METTL25B: variants seen among roughly 807,000 people sequenced by gnomAD.
METTL25B encodes methyltransferase-like protein 25B.
In METTL25B, 38 loss-of-function variants were observed where a neutral mutation model predicts 48.4. That is an observed-to-expected ratio of 0.78 (90% CI 0.61 to 1.03). The LOEUF (loss-of-function observed/expected upper bound fraction) is 1.03. METTL25B is among the 50% of genes least tolerant of loss of function. The pLI is 0.00. For missense variants in METTL25B, 537 were observed against 603.7 expected (o/e 0.89, Z 1.16); for synonymous variants, 230 against 254.5 (o/e 0.90, Z 0.92).
At chr1:156,736,511 T>G in intron 7 of METTL25B, 121 bp from the exon 8 acceptor site, 1 of 1,157,022 alleles carries the variant, frequency 8.6e-7, no homozygotes, top group Non-Finnish European at 1.2e-6. Context: ...GAGAACGGGG[T>G]CTCCTTAGCC....
Position 156,732,012 on chromosome 1 carries a change from T to C in METTL25B, c.133T>C (p.Trp45Arg), listed in dbSNP as rs145008223. Residue 45 changes from tryptophan to arginine, a missense_variant, in exon 2 of 8, where the codon TGG becomes CGG. Coordinates refer to ENST00000368216, the MANE Select transcript of METTL25B (RefSeq NM_015997.4). ...GTAGGAATTTTTCACAGACAACCTA[T>C]GGGACACACTCCCTTGCTCATGGCA... ...YIIEFFTDNL[W>R]DTLPCSWQEA... 173 of 1,614,044 alleles carry C rather than the reference T, an allele frequency of 1.1e-4. No homozygotes were observed. The highest frequency in any genetic ancestry group is 1.4e-4 in the Non-Finnish European group (167 of 1,180,024).
intron 7 of METTL25B, 101 bp downstream of exon 7, chr1:156,736,010 C>A: frequency 9.4e-7 from 1 of 1,059,476 alleles, no homozygotes; most frequent in Non-Finnish European, 1.4e-6. Flanking sequence ...CCTAGCTAAT[C>A]ACTGTTGTGA....
chr1:156,728,992 TC>T lies in METTL25B; in HGVS notation c.-111del. The T allele has an allele frequency of 1.7e-6, 1 of 597,192 alleles. No homozygotes were observed. The highest frequency in any genetic ancestry group is 2.3e-5 in the South Asian group (1 of 42,614). 37.0% of individuals were successfully genotyped at this position (597,192 alleles called of 1,614,324 possible). On this transcript the variant is annotated 5_prime_UTR_variant, in exon 1 of 8. Transcript: ENST00000368216. The stretch of plus-strand genomic sequence containing the variant: ...CGTCGGAGACTGGACCCAAAACTCT[TC>T]CTGTTCTGCCTGCAGAGTTGAGCCC...
Position 156,735,751 on chromosome 1 carries a change from TG to T in METTL25B, c.1152del (p.Leu385Ter), listed in dbSNP as rs771085822. The T allele has an allele frequency of 1.9e-6, 3 of 1,609,646 alleles. No individual in the cohort carries two copies. Among genetic ancestry groups the T allele is most frequent in the Non-Finnish European group, 2.5e-6 (3 of 1,178,664 alleles). ...TATGTGCAGCGGGGGCTACAGCGAG[TG>T]GGGCTAGATCCCCAGCTGCCACTGA... Reference protein sequence around the residue: ...EEYVQRGLQRVGLDPQLPLNL... With the variant: ...EEYVQRGLQRXGLDPQLPLNL... On this transcript the variant is annotated frameshift_variant, in exon 7 of 8. Coordinates refer to ENST00000368216, the MANE Select transcript of METTL25B (RefSeq NM_015997.4). LOFTEE classifies it high-confidence loss of function.
In METTL25B at chr1:156,728,901, C is replaced by A; in HGVS notation, c.-204C>A. ...CTGACACCTTCTCACTGTGAAACGT[C>A]GCGACCTGTGACGTCTGGGGGGCGC... On this transcript the variant is annotated 5_prime_UTR_variant, in exon 1 of 8. Transcript: ENST00000368216. 1 of 600,518 alleles carries A rather than the reference C, an allele frequency of 1.7e-6. No homozygotes were observed. The highest frequency in any genetic ancestry group is 2.7e-5 in the South Asian group (1 of 37,436). 37.2% of individuals were successfully genotyped at this position (600,518 alleles called of 1,614,324 possible). A position where few individuals can be genotyped will look rare whatever the true frequency, so the allele number is the denominator to read the frequency against.
intron 3 of METTL25B, 71 bp from the exon 4 acceptor site, chr1:156,732,912 ACT>A (rs1649417228): frequency 7.9e-7 from 1 of 1,273,634 alleles, no homozygotes; most frequent in Admixed American, 1.9e-5. Context: ...TGTCTCTTCC[ACT>A]CTCAGTATGG....
chr1:156,732,801 T>G (rs1649410148), intron 3 of METTL25B, among the ~76,000 whole-genome samples, 184 bp from the exon 4 acceptor site: 1 of 151,596 alleles, frequency 6.6e-6, no homozygotes. Flanking sequence ...GAACCTGGGG[T>G]CAGGTCCACT....
intron 1 of METTL25B, 108 bp from the exon 2 acceptor site, chr1:156,731,883 G>T: frequency 1.4e-6 from 2 of 1,420,366 alleles, no homozygotes; most frequent in Non-Finnish European, 2.0e-6. Context: ...GGCCCTATGT[G>T]GCAGCAGTGC....
chr1:156,729,421 CT>C (rs796968359), intron 1 of METTL25B: 8,686 of 315,830 alleles, frequency 0.028, 85 homozygotes, highest in African/African-American at 0.086. Context: ...TTTTCTTTTT[CT>C]TTTTTTTTTT....
chr1:156,736,593 G>C (rs749835869), intron 7 of METTL25B, 39 bp from the exon 8 acceptor site: 1 of 1,612,052 alleles, frequency 6.2e-7, no homozygotes, highest in Non-Finnish European at 8.5e-7. Flanking sequence ...GAGTGAGTTT[G>C]GTTCATTCTT....
At position 156,733,422 on chromosome 1, in the gene METTL25B, A is replaced by G; in HGVS notation, c.538A>G (p.Lys180Glu). The change falls in exon 5 of 8, where the codon AAG (lysine) becomes GAG (glutamate). Residue 180 changes from lysine to glutamate, a missense_variant. Transcript: ENST00000368216. Reference sequence around the variant, plus strand: ...GGCTCTTGGCCTGGGGTTGATGGTGAAGAGCATCGAAGGGGATCAGAGACT... The same window carrying G: ...GGCTCTTGGCCTGGGGTTGATGGTGGAGAGCATCGAAGGGGATCAGAGACT... ...FMALGLGLMV[K>E]SIEGDQRLVE... 1.1e-5 allele frequency: 18 copies of G among 1,613,980 alleles called. No individual in the cohort carries two copies. The highest frequency in any genetic ancestry group is 1.5e-5 in the Non-Finnish European group (18 of 1,179,914).
At chr1:156,733,350 C>T in intron 4 of METTL25B, 27 bp from the exon 5 acceptor site, 1 of 1,613,592 alleles carries the variant, frequency 6.2e-7, no homozygotes, top group Non-Finnish European at 8.5e-7. Flanking sequence ...CTGAACAGGG[C>T]TGTTTCCATC....
chr1:156,728,985 A>G lies in METTL25B; in HGVS notation c.-120A>G, dbSNP rs1274995705. The G allele has an allele frequency of 1.7e-6, 1 of 587,820 alleles. No individual in the cohort carries two copies. Among genetic ancestry groups the G allele is most frequent in the East Asian group, 3.4e-5 (1 of 29,550 alleles). The allele number at this position is 587,820 out of a possible 1,614,324, so 36.4% of individuals were successfully genotyped here. A position where few individuals can be genotyped will look rare whatever the true frequency, so the allele number is the denominator to read the frequency against. On this transcript the variant is annotated 5_prime_UTR_variant, in exon 1 of 8. Coordinates refer to ENST00000368216, the MANE Select transcript of METTL25B (RefSeq NM_015997.4). ...AAGGCAGCGTCGGAGACTGGACCCA[A>G]AACTCTTCCTGTTCTGCCTGCAGAG...
intron 1 of METTL25B, among the ~76,000 whole-genome samples, chr1:156,730,415 G>A (rs1426054358): frequency 4.6e-5 from 7 of 152,162 alleles, no homozygotes; most frequent in Non-Finnish European, 8.8e-5. Flanking sequence ...GGACTCTAGA[G>A]TAAAATTGGT....
rs902632805 is a variant in METTL25B at position 156,731,901 on chromosome 1, A to G, written c.112-90A>G. On this transcript the variant is annotated intron_variant, in intron 1 of 7. Transcript: ENST00000368216. ...CCTATGTGGCAGCAGTGCTGGGAAG[A>G]GGCAGGCAATGAGGTGTGTAGTTGA... 5 of 1,524,758 alleles carry G rather than the reference A, an allele frequency of 3.3e-6. No homozygotes were observed. In the East Asian group the frequency reaches 1.1e-4, roughly 35 times the overall value. The allele number at this position is 1,524,758 out of a possible 1,614,324, so 94.5% of individuals were successfully genotyped here. A position where few individuals can be genotyped will look rare whatever the true frequency, so the allele number is the denominator to read the frequency against.
chr1:156,732,542 A>C (rs897027915), intron 3 of METTL25B, 69 bp downstream of exon 3: 9 of 1,472,748 alleles, frequency 6.1e-6, no homozygotes, highest in African/African-American at 1.4e-5. Flanking sequence ...GCTTACAAAT[A>C]TGTGTGCCCT....
rs1322557732 is a variant in METTL25B at position 156,732,413 on chromosome 1, A to C, written c.369A>C (p.Thr123=). 1 of 1,614,034 alleles carries C rather than the reference A, an allele frequency of 6.2e-7. No individual in the cohort carries two copies. Among genetic ancestry groups the C allele is most frequent in the African/African-American group, 1.3e-5 (1 of 74,906 alleles). ...ACCCCAGCCAGAGCTCCCGACTAAC[A>C]GCTCCATTCCGGAAACATGTCAGGC... ...LENPSQSSRL[T]APFRKHVRPK... is the part of the protein sequence containing the mutation. The change falls in exon 3 of 8, where the codon ACA becomes ACC. Residue 123 remains threonine, a synonymous_variant. Coordinates refer to ENST00000368216, the MANE Select transcript of METTL25B (RefSeq NM_015997.4).
chr1:156,732,745 T>C (rs1553247126), intron 3 of METTL25B, among the ~76,000 whole-genome samples: 1 of 152,068 alleles, frequency 6.6e-6, no homozygotes, highest in Non-Finnish European at 1.5e-5. Flanking sequence ...TCTTGTTCTG[T>C]GGGGGAGATT....
intron 5 of METTL25B, 82 bp from the exon 6 acceptor site, chr1:156,733,927 C>T: frequency 6.6e-7 from 1 of 1,510,070 alleles, no homozygotes; most frequent in Non-Finnish European, 8.9e-7. Flanking sequence ...ACATGGAGGA[C>T]AGATCCCTTC....
Sources: gnomAD v4.1 joint callset for allele counts (sites outside exome capture counted in the v4.1 genomes callset) on GRCh38, gnomAD v4.1.1 for gene constraint, MANE v1.5 for transcripts, NCBI Gene and HGNC (gene_info 2026-07-23, HGNC 2026-07-21) for gene names.